Variants in CSMD1 observed in about 807,000 individuals in gnomAD.
CSMD1 encodes CUB and Sushi multiple domains 1.
CSMD1 carries 213 observed loss-of-function variants against 417.5 expected under a neutral mutation model. That is an observed-to-expected ratio of 0.51 (90% CI 0.46 to 0.57). The LOEUF is 0.57. CSMD1 is among the 20% of genes least tolerant of loss of function. The probability of loss-of-function intolerance (pLI) is 0.00; values close to 1 mark genes in which losing one functional copy is unlikely to be tolerated. For synonymous variants in CSMD1, 2,862 were observed against 1,736.8 expected (o/e 1.65, Z -16.11); for missense variants, 6,923 against 4,529.7 (o/e 1.53, Z -15.17).
intron 1 of CSMD1, among the ~76,000 whole-genome samples, chr8:4,668,437 ATTAT>A (rs1410484038): frequency 6.9e-6 from 1 of 144,896 alleles, no homozygotes; most frequent in Non-Finnish European, 1.5e-5. Flanking sequence ...TATTATTATT[ATTAT>A]TATTATTATT....
rs546327854 is a variant in CSMD1, at chr8:4,472,396, A to G, written c.303-52331T>C. Among the ~76,000 whole-genome samples, 8 of 152,220 alleles carry G rather than the reference A, an allele frequency of 5.3e-5. No individual in the cohort carries two copies. The South Asian group carries it at 1.5e-3, about 28-fold the overall frequency. On this transcript the variant is annotated intron_variant, in intron 2 of 69. Transcript: ENST00000635120. ...ATCTGTAGTAACAGTGCTTCACTGT[A>G]GTCTCTTAATACTTTTATTTTAAAG...
chr8:3,281,088 G>C (rs779185684), intron 26 of CSMD1, among the ~76,000 whole-genome samples: 3 of 152,194 alleles, frequency 2.0e-5, no homozygotes, highest in Non-Finnish European at 2.9e-5. Flanking sequence ...CAGATGTTTA[G>C]AGGCAGCTTT....
intron 10 of CSMD1, among the ~76,000 whole-genome samples, chr8:3,562,599 A>T (rs1799517937): frequency 6.6e-6 from 1 of 152,162 alleles, no homozygotes; most frequent in African/African-American, 2.4e-5. Context: ...TAACTCAGTA[A>T]AATTTTATTT....
Position 3,441,060 on chromosome 8 carries a change from C to G in CSMD1, c.1561+27652G>C, listed in dbSNP as rs562180655. On this transcript the variant is annotated intron_variant, in intron 12 of 69. Transcript: ENST00000635120. ...AATACGAATGCCTTTGTATGAAACA[C>G]ATAGAGGAGAAAACAGACACCAAGA... 3.3e-5 allele frequency among the ~76,000 whole-genome samples: 5 copies of G among 152,224 alleles called. No homozygotes were observed. The South Asian group carries it at 1.0e-3, about 32-fold the overall frequency.
chr8:3,842,602 G>T (rs974998415), intron 5 of CSMD1, among the ~76,000 whole-genome samples: 1 of 152,118 alleles, frequency 6.6e-6, no homozygotes, highest in African/African-American at 2.4e-5. Context: ...CTATATGGAA[G>T]TTACATCAAG....
chr8:4,546,737 T>C (rs1243155915), intron 2 of CSMD1, among the ~76,000 whole-genome samples: 3 of 152,116 alleles, frequency 2.0e-5, no homozygotes, highest in African/African-American at 7.2e-5. Context: ...TCAATTCCCA[T>C]AATAAATATA....
intron 10 of CSMD1, among the ~76,000 whole-genome samples, chr8:3,552,855 A>C (rs1003967147): frequency 6.6e-6 from 1 of 152,150 alleles, no homozygotes; most frequent in Non-Finnish European, 1.5e-5. Context: ...ATTAAGTTAT[A>C]AAAGATTTAC....
At chr8:3,423,027 A>C (rs566311708) in intron 12 of CSMD1, among the ~76,000 whole-genome samples, 1 of 152,338 alleles carries the variant, frequency 6.6e-6, no homozygotes, top group Non-Finnish European at 1.5e-5. Context: ...ACACCTTCAA[A>C]CACCAGCACC....
chr8:3,900,427 G>A (rs1292158447), intron 5 of CSMD1, among the ~76,000 whole-genome samples: 1 of 151,524 alleles, frequency 6.6e-6, no homozygotes, highest in Non-Finnish European at 1.5e-5. Context: ...GGGTGACAGT[G>A]TAGCTGGGTG....
chr8:3,295,626 A>G (rs113107040), intron 25 of CSMD1, among the ~76,000 whole-genome samples: 1 of 152,374 alleles, frequency 6.6e-6, no homozygotes, highest in African/African-American at 2.4e-5. Context: ...CTAGGCCAGC[A>G]TGATAAAGCA....
chr8:3,440,816 A>T (rs941531023), intron 12 of CSMD1, among the ~76,000 whole-genome samples: 1 of 152,184 alleles, frequency 6.6e-6, no homozygotes, highest in Non-Finnish European at 1.5e-5. Flanking sequence ...CTTTATCACA[A>T]ACTGAGGACG....
At chr8:4,223,413 G>A (rs541058350) in intron 3 of CSMD1, among the ~76,000 whole-genome samples, 71 of 152,212 alleles carry the variant, frequency 4.7e-4, no homozygotes, top group Middle Eastern at 3.2e-3. Context: ...AGGAAAGGGC[G>A]TCATCGCCAG....
At chr8:4,581,473 G>C (rs138699145) in intron 2 of CSMD1, among the ~76,000 whole-genome samples, 90 of 152,202 alleles carry the variant, frequency 5.9e-4, no homozygotes, top group African/African-American at 1.9e-3. Flanking sequence ...AACTGTTTTT[G>C]AATATGAGAT....
At chr8:4,559,471 G>C (rs1346500865) in intron 2 of CSMD1, among the ~76,000 whole-genome samples, 3 of 152,132 alleles carry the variant, frequency 2.0e-5, no homozygotes, top group Non-Finnish European at 2.9e-5. Flanking sequence ...CCATGGAGTA[G>C]AAAAGTAAGA....
chr8:4,360,678 G>A (rs1171649497), intron 3 of CSMD1, among the ~76,000 whole-genome samples: 1 of 151,802 alleles, frequency 6.6e-6, no homozygotes, highest in Non-Finnish European at 1.5e-5. Context: ...GTTTTTTAGT[G>A]GACACAGGGT....
chr8:3,350,963 A>G lies in CSMD1; in HGVS notation c.3305-2802T>C, dbSNP rs28580775. On this transcript the variant is annotated intron_variant, in intron 21 of 69. Coordinates refer to ENST00000635120, the MANE Select transcript of CSMD1 (RefSeq NM_033225.6). The stretch of plus-strand genomic sequence containing the variant: ...ATCCCGTTGTAACTGATGACCCTGT[A>G]TAGACAGACAATGCTGCTGCTTTGC... Among the ~76,000 whole-genome samples, 575 of 152,346 alleles carry G rather than the reference A, an allele frequency of 3.8e-3. 2 individuals carry two copies. The highest frequency in any genetic ancestry group is 0.013 in the African/African-American group (557 of 41,576).
chr8:3,077,248 A>T (rs991053603), intron 49 of CSMD1, among the ~76,000 whole-genome samples: 1 of 152,208 alleles, frequency 6.6e-6, no homozygotes. Context: ...CTGCACAAAT[A>T]GGAAATCAAA....
In CSMD1 at chr8:3,648,424, C is replaced by G. The variant is rs571836183; in HGVS notation, c.1010-31627G>C. Among the ~76,000 whole-genome samples the G allele has an allele frequency of 7.2e-5, 11 of 152,274 alleles. No homozygotes were observed. In the East Asian group the frequency reaches 2.1e-3, roughly 29 times the overall value. On this transcript the variant is annotated intron_variant, in intron 7 of 69. Coordinates refer to ENST00000635120, the MANE Select transcript of CSMD1 (RefSeq NM_033225.6). ...TGCCTGCTGCACTAATGATGCAACT[C>G]AAATTGAGATTTTAATACTGGAGTA...
At chr8:4,971,221 G>C (rs188912671) in intron 1 of CSMD1, among the ~76,000 whole-genome samples, 13 of 152,102 alleles carry the variant, frequency 8.5e-5, no homozygotes, top group Admixed American at 1.3e-4. Context: ...ATGATATCCA[G>C]TACCTTTAAG....
Sources: gnomAD v4.1 joint callset for allele counts (sites outside exome capture counted in the v4.1 genomes callset) on GRCh38, gnomAD v4.1.1 for gene constraint, MANE v1.5 for transcripts, NCBI Gene and HGNC (gene_info 2026-07-23, HGNC 2026-07-21) for gene names.